Variants in PSEN1 observed in about 807,000 individuals in gnomAD.
PSEN1 encodes presenilin 1.
PSEN1 carries 15 observed loss-of-function variants against 53.5 expected under a neutral mutation model. That is an observed-to-expected ratio of 0.28 (90% CI 0.19 to 0.43). The LOEUF (loss-of-function observed/expected upper bound fraction) is 0.43, where lower values mean the gene tolerates loss of function less well. Ranked by LOEUF, PSEN1 falls within the 20% of genes least tolerant of loss-of-function variation. PSEN1 has a pLI of 1.00. For synonymous variants in PSEN1, 208 were observed against 209.8 expected, an observed-to-expected ratio of 0.99 and a Z score of 0.08; for missense variants, 387 against 571.2, an observed-to-expected ratio of 0.68 and a Z score of 3.29.
At chr14:73,216,401 C>T (rs529348747) in intron 10 of PSEN1, among the ~76,000 whole-genome samples, 9 of 152,056 alleles carry the variant, frequency 5.9e-5, no homozygotes, top group Non-Finnish European at 1.2e-4. Context: ...ATTAATTTTC[C>T]ACAATCATTG....
At chr14:73,150,211 A>G (rs946673892) in intron 3 of PSEN1, among the ~76,000 whole-genome samples, 10 of 152,084 alleles carry the variant, frequency 6.6e-5, no homozygotes, top group East Asian at 1.9e-4. Context: ...TTTTGCTTCT[A>G]TTGCTTATTG....
intron 8 of PSEN1, among the ~76,000 whole-genome samples, chr14:73,199,763 G>A (rs1022826056): frequency 2.6e-5 from 4 of 151,900 alleles, no homozygotes; most frequent in African/African-American, 9.7e-5. Context: ...GTTTTGTTTT[G>A]GAGACTGAGT....
Position 73,221,646 on chromosome 14 carries a change from T to A in PSEN1, c.*2357T>A, listed in dbSNP as rs1250635285. Reference sequence around the variant, plus strand: ...TGTGTTGCCCAGGCTAGACTTGAACTCCTGGGCTCAAGTAATCCACCTCAG... The same window carrying A: ...TGTGTTGCCCAGGCTAGACTTGAACACCTGGGCTCAAGTAATCCACCTCAG... On this transcript the variant is annotated 3_prime_UTR_variant, in exon 12 of 12. Coordinates refer to ENST00000324501, the MANE Select transcript of PSEN1 (RefSeq NM_000021.4). 2 of 152,104 alleles carry A rather than the reference T, an allele frequency of 1.3e-5. No homozygotes were observed. The highest frequency in any genetic ancestry group is 3.9e-4 in the East Asian group (2 of 5,188). The allele number at this position is 152,104 out of a possible 1,614,324, so 9.4% of individuals were successfully genotyped here. A position where few individuals can be genotyped will look rare whatever the true frequency, so the allele number is the denominator to read the frequency against.
At position 73,157,178 on chromosome 14, in the gene PSEN1, T is replaced by A. The variant is rs543670801; in HGVS notation, c.87+9072T>A. ...CACTCTTTTGTTGCCCAGGCTGGAGTGCAGTGGCATGATCTTGGCTCACTG... is the reference window on the plus strand; with the variant it reads ...CACTCTTTTGTTGCCCAGGCTGGAGAGCAGTGGCATGATCTTGGCTCACTG... On this transcript the variant is annotated intron_variant, in intron 3 of 11. Transcript: ENST00000324501. 1.4e-4 allele frequency among the ~76,000 whole-genome samples: 21 copies of A among 151,420 alleles called. No homozygotes were observed. In the South Asian group the frequency reaches 4.2e-3, roughly 30 times the overall value.
intron 8 of PSEN1, among the ~76,000 whole-genome samples, chr14:73,201,087 G>A (rs1193480236): frequency 1.3e-5 from 2 of 151,820 alleles, no homozygotes; most frequent in Non-Finnish European, 2.9e-5. Context: ...TTGTTTGTTT[G>A]TTTGTTTGTT....
chr14:73,184,687 C>CG (rs1898406734), intron 5 of PSEN1, among the ~76,000 whole-genome samples: 1 of 144,628 alleles, frequency 6.9e-6, no homozygotes, highest in Non-Finnish European at 1.5e-5. Context: ...GCTGGCGGGG[C>CG]GGGGGGCTGA....
intron 1 of PSEN1, among the ~76,000 whole-genome samples, chr14:73,142,948 G>C (rs1896967232): frequency 1.3e-5 from 2 of 152,172 alleles, no homozygotes; most frequent in African/African-American, 2.4e-5. Flanking sequence ...CACCAGAGTA[G>C]ATTCTGTCCC....
intron 8 of PSEN1, among the ~76,000 whole-genome samples, chr14:73,203,684 A>G (rs950876175): frequency 6.6e-6 from 1 of 152,166 alleles, no homozygotes; most frequent in African/African-American, 2.4e-5. Flanking sequence ...CTGTCGTTTG[A>G]CAGAAAAAAT....
At position 73,173,695 on chromosome 14, in the gene PSEN1, C is replaced by G; in HGVS notation, c.468C>G (p.Tyr156Ter). 6.2e-7 allele frequency: 1 copy of G among 1,614,160 alleles called. No individual in the cohort carries two copies. Among genetic ancestry groups the G allele is most frequent in the Non-Finnish European group, 8.5e-7 (1 of 1,179,984 alleles). Residue 156 changes from tyrosine (Y) to a stop codon, truncating the protein, a stop_gained, in exon 5 of 12, where the codon TAC (tyrosine) becomes TAG (stop). Coordinates refer to ENST00000324501, the MANE Select transcript of PSEN1 (RefSeq NM_000021.4). LOFTEE classifies it high-confidence loss of function. ...TCCTCCTGGTGGTTCTGTATAAATA[C>G]AGGTGCTATAAGGTGAGCATGAGAC... is the stretch of plus-strand genomic sequence containing the variant. ...MTILLVVLYK[Y>*]RCYKVIHAWL... is the part of the protein sequence containing the mutation.
chr14:73,162,508 G>T (rs184580869), intron 3 of PSEN1, among the ~76,000 whole-genome samples: 2 of 151,038 alleles, frequency 1.3e-5, no homozygotes, highest in Non-Finnish European at 3.0e-5. Flanking sequence ...GCGAACAAGC[G>T]ATTGAGTGAG....
intron 8 of PSEN1, among the ~76,000 whole-genome samples, chr14:73,199,068 C>T (rs1045526883): frequency 6.6e-6 from 1 of 152,188 alleles, no homozygotes; most frequent in African/African-American, 2.4e-5. Flanking sequence ...AGCTACCACG[C>T]CTGGCCATGT....
intron 7 of PSEN1, among the ~76,000 whole-genome samples, chr14:73,194,758 C>T (rs576360731): frequency 1.3e-5 from 2 of 151,384 alleles, no homozygotes; most frequent in South Asian, 2.1e-4. Flanking sequence ...GTAGTAGAGA[C>T]GGGGTTTCAC....
In PSEN1 at chr14:73,221,647, C is replaced by G. The variant is rs572145921; in HGVS notation, c.*2358C>G. ...GTGTTGCCCAGGCTAGACTTGAACT[C>G]CTGGGCTCAAGTAATCCACCTCAGC... On this transcript the variant is annotated 3_prime_UTR_variant, in exon 12 of 12. Coordinates refer to ENST00000324501, the MANE Select transcript of PSEN1 (RefSeq NM_000021.4). 6.6e-6 allele frequency: 1 copy of G among 151,934 alleles called. No homozygotes were observed. Among genetic ancestry groups the G allele is most frequent in the East Asian group, 1.9e-4 (1 of 5,160 alleles). 9.4% of individuals were successfully genotyped at this position (151,934 alleles called of 1,614,324 possible).
At chr14:73,192,928 CAT>C in intron 7 of PSEN1, 64 bp downstream of exon 7, 1 of 1,244,468 alleles carries the variant, frequency 8.0e-7, no homozygotes, top group African/African-American at 1.5e-5. Context: ...TTTCTTTCCT[CAT>C]CTCTTTATCT....
At chr14:73,166,730 T>C (rs1897728925) in intron 3 of PSEN1, among the ~76,000 whole-genome samples, 1 of 152,240 alleles carries the variant, frequency 6.6e-6, no homozygotes. Flanking sequence ...TCTACTGGGC[T>C]TTAGCCACTC....
intron 8 of PSEN1, among the ~76,000 whole-genome samples, chr14:73,201,650 A>G (rs1476878548): frequency 6.6e-6 from 1 of 152,258 alleles, no homozygotes; most frequent in East Asian, 1.9e-4. Flanking sequence ...GTACTACATC[A>G]AAGATTCCTG....
chr14:73,149,264 C>G (rs981331545), intron 3 of PSEN1, among the ~76,000 whole-genome samples: 1 of 151,256 alleles, frequency 6.6e-6, no homozygotes, highest in Non-Finnish European at 1.5e-5. Context: ...GGCTGAGGTA[C>G]GAGGATTGCT....
chr14:73,178,584 G>A (rs918304127), intron 5 of PSEN1, among the ~76,000 whole-genome samples: 3 of 152,010 alleles, frequency 2.0e-5, no homozygotes, highest in Non-Finnish European at 4.4e-5. Context: ...TATTGTTCTG[G>A]TTAGATAATT....
chr14:73,186,972 G>A (rs374520741), intron 6 of PSEN1, 52 bp downstream of exon 6: 3 of 1,362,716 alleles, frequency 2.2e-6, no homozygotes, highest in African/African-American at 2.9e-5. Context: ...CCTTTGTGCT[G>A]TGTAGCTATC....
Sources: gnomAD v4.1 joint callset for allele counts (sites outside exome capture counted in the v4.1 genomes callset) on GRCh38, gnomAD v4.1.1 for gene constraint, MANE v1.5 for transcripts, NCBI Gene and HGNC (gene_info 2026-07-23, HGNC 2026-07-21) for gene names.